Variants in PRKCE observed in about 807,000 individuals in gnomAD.
The protein encoded by PRKCE is protein kinase C epsilon, also known as protein kinase C epsilon type.
PRKCE carries 16 observed loss-of-function variants against 85.4 expected under a neutral mutation model. The observed-to-expected ratio is 0.19, with a 90% CI of 0.13 to 0.28. The LOEUF (loss-of-function observed/expected upper bound fraction) is 0.28, where lower values mean the gene tolerates loss of function less well. Among genes scored for constraint, PRKCE ranks in the 10% least tolerant of loss-of-function variants. The pLI, the probability that PRKCE is intolerant of heterozygous loss-of-function variation, is 1.00. For synonymous variants in PRKCE, 388 were observed against 371.5 expected, an observed-to-expected ratio of 1.04 and a Z score of -0.51; for missense variants, 573 against 975.2, an observed-to-expected ratio of 0.59 and a Z score of 5.49.
At chr2:45,654,372 A>G (rs1675282879) in intron 1 of PRKCE, among the ~76,000 whole-genome samples, 1 of 152,190 alleles carries the variant, frequency 6.6e-6, no homozygotes, top group Non-Finnish European at 1.5e-5. Flanking sequence ...TCTCAAATTC[A>G]TGTTGGATTT....
chr2:45,747,119 A>G (rs1683201966), intron 1 of PRKCE, among the ~76,000 whole-genome samples: 1 of 152,182 alleles, frequency 6.6e-6, no homozygotes, highest in African/African-American at 2.4e-5. Flanking sequence ...AGGCCAAGGC[A>G]TTTGTTTCTC....
intron 11 of PRKCE, among the ~76,000 whole-genome samples, chr2:46,120,534 C>T (rs558666065): frequency 1.1e-4 from 16 of 152,196 alleles, no homozygotes; most frequent in Middle Eastern, 3.4e-3. Flanking sequence ...GCTAACAGGT[C>T]TCTTGTTTTG....
At chr2:46,030,669 A>G (rs566766324) in intron 10 of PRKCE, among the ~76,000 whole-genome samples, 2 of 152,298 alleles carry the variant, frequency 1.3e-5, no homozygotes, top group African/African-American at 4.8e-5. Flanking sequence ...GTCTCTTAGG[A>G]TTGCTGCTAT....
intron 11 of PRKCE, among the ~76,000 whole-genome samples, chr2:46,116,744 C>T (rs1165084055): frequency 2.9e-5 from 2 of 68,556 alleles, no homozygotes; most frequent in Admixed American, 1.8e-4. Flanking sequence ...GATGCCTGTT[C>T]GGAGAAAAAA....
chr2:45,687,907 G>A (rs532642894), intron 1 of PRKCE, among the ~76,000 whole-genome samples: 87 of 152,352 alleles, frequency 5.7e-4, no homozygotes, highest in African/African-American at 1.9e-3. Context: ...TTGGAAGCAC[G>A]TTGGAGACCA....
intron 1 of PRKCE, among the ~76,000 whole-genome samples, chr2:45,721,624 C>T (rs1489103366): frequency 6.6e-6 from 1 of 152,046 alleles, no homozygotes. Context: ...GTAATCCCAG[C>T]GACTCTGGAG....
rs1696071899 is a variant in PRKCE at position 45,895,561 on chromosome 2, G to T, written c.412+52498G>T. On this transcript the variant is annotated intron_variant, in intron 2 of 14. Coordinates refer to ENST00000306156, the MANE Select transcript of PRKCE (RefSeq NM_005400.3). This position sits in a 1 kb window ranked among gnomAD's most constrained non-coding sequence, Gnocchi z 4.8. ...TGCTCAATTAATTCTTCTTCAATTT[G>T]GTTAGAGGAAAAAAATGCTTTTCTG... Among the ~76,000 whole-genome samples the T allele has an allele frequency of 6.6e-6, 1 of 151,702 alleles. No homozygotes were observed. The highest frequency in any genetic ancestry group is 6.5e-5 in the Admixed American group (1 of 15,282).
intron 2 of PRKCE, among the ~76,000 whole-genome samples, chr2:45,917,915 T>G (rs1436120162): frequency 6.7e-6 from 1 of 148,842 alleles, no homozygotes; most frequent in Non-Finnish European, 1.5e-5. Flanking sequence ...GCTGGCCCGG[T>G]GCTAAGCCCC....
intron 2 of PRKCE, among the ~76,000 whole-genome samples, chr2:45,933,310 T>C (rs1030408978): frequency 6.6e-6 from 1 of 152,168 alleles, no homozygotes; most frequent in African/African-American, 2.4e-5. Context: ...TGAACAGAAG[T>C]CCCTGAGGAA....
In PRKCE at chr2:46,184,215, A is replaced by C. The variant is rs1266647178; in HGVS notation, c.2068-520A>C. On this transcript the variant is annotated intron_variant, in intron 14 of 14. Coordinates refer to ENST00000306156, the MANE Select transcript of PRKCE (RefSeq NM_005400.3). This position sits in a 1 kb window ranked among gnomAD's most constrained non-coding sequence, Gnocchi z 5.0. The stretch of plus-strand genomic sequence containing the variant: ...ATAATTGAAAAAATACTGGAGCACA[A>C]AATTGGGTTCGTGGTGAGAGTAAGT... Among the ~76,000 whole-genome samples, 2 of 152,154 alleles carry C rather than the reference A, an allele frequency of 1.3e-5. No individual in the cohort carries two copies. Among genetic ancestry groups the C allele is most frequent in the African/African-American group, 4.8e-5 (2 of 41,424 alleles).
At chr2:45,713,415 G>A (rs1357728195) in intron 1 of PRKCE, among the ~76,000 whole-genome samples, 1 of 152,156 alleles carries the variant, frequency 6.6e-6, no homozygotes, top group Non-Finnish European at 1.5e-5. Context: ...TGTAGCTGCA[G>A]GGGTATGCAT....
intron 1 of PRKCE, among the ~76,000 whole-genome samples, chr2:45,742,023 C>G (rs935046925): frequency 2.0e-5 from 3 of 152,130 alleles, no homozygotes; most frequent in African/African-American, 7.2e-5. Context: ...GTTCTTGCTT[C>G]CAGGTGCTCT....
At chr2:45,705,958 T>A (rs1274092181) in intron 1 of PRKCE, among the ~76,000 whole-genome samples, 2 of 152,176 alleles carry the variant, frequency 1.3e-5, no homozygotes, top group African/African-American at 4.8e-5. Flanking sequence ...AAGTTAGATA[T>A]CTGCTTCGGA....
At position 45,907,669 on chromosome 2, in the gene PRKCE, C is replaced by A. The variant is rs868133991; in HGVS notation, c.412+64606C>A. On this transcript the variant is annotated intron_variant, in intron 2 of 14. Transcript: ENST00000306156. The surrounding 1 kb of genome is among the most constrained non-coding windows in gnomAD (Gnocchi z 4.5). ...CTGTCCAGGGAGAAGGAGCATGAGCCCACATCTGCCGTGGCCACCTCTCCA... is the reference window on the plus strand; with the variant it reads ...CTGTCCAGGGAGAAGGAGCATGAGCACACATCTGCCGTGGCCACCTCTCCA... Among the ~76,000 whole-genome samples, 4 of 152,168 alleles carry A rather than the reference C, an allele frequency of 2.6e-5. No homozygotes were observed. Among genetic ancestry groups the A allele is most frequent in the Non-Finnish European group, 5.9e-5 (4 of 68,038 alleles).
chr2:45,848,089 G>A (rs948336213), intron 2 of PRKCE, among the ~76,000 whole-genome samples: 2 of 152,172 alleles, frequency 1.3e-5, no homozygotes, highest in African/African-American at 4.8e-5. Context: ...TACCTCCAGG[G>A]CTGAAATCAA....
intron 1 of PRKCE, among the ~76,000 whole-genome samples, chr2:45,827,025 C>T (rs10175053): frequency 0.092 from 14,008 of 152,268 alleles, 919 homozygotes; most frequent in African/African-American, 0.18. Flanking sequence ...CACAGCATCT[C>T]ACTGCTCTGC....
intron 6 of PRKCE, among the ~76,000 whole-genome samples, 159 bp downstream of exon 6, chr2:45,984,839 G>A (rs2104596611): frequency 1.3e-5 from 2 of 152,286 alleles, no homozygotes; most frequent in Admixed American, 6.5e-5. Context: ...TGTGCATTTG[G>A]TAGGCAGACT....
chr2:45,951,427 C>G (rs1281548703), intron 2 of PRKCE, among the ~76,000 whole-genome samples: 1 of 152,220 alleles, frequency 6.6e-6, no homozygotes, highest in African/African-American at 2.4e-5. Context: ...CTCCCTAACT[C>G]TGACTTCCTC....
intron 1 of PRKCE, among the ~76,000 whole-genome samples, chr2:45,745,945 G>A (rs551212281): frequency 6.6e-6 from 1 of 152,324 alleles, no homozygotes; most frequent in East Asian, 1.9e-4. Context: ...ACAAGCCTCT[G>A]GACTTTTACC....
Sources: gnomAD v4.1 joint callset for allele counts (sites outside exome capture counted in the v4.1 genomes callset) on GRCh38, gnomAD v4.1.1 for gene constraint, Gnocchi (gnomAD v3.1) non-coding constraint, MANE v1.5 for transcripts, NCBI Gene and HGNC (gene_info 2026-07-23, HGNC 2026-07-21) for gene names.